CANX: variants seen among roughly 807,000 people sequenced by gnomAD.
CANX encodes the protein epididymis secretory sperm binding protein.
Under a neutral mutation model 75.7 loss-of-function variants are expected in CANX, and 14 were observed. The observed-to-expected ratio is 0.19, with a 90% confidence interval of 0.12 to 0.29. The LOEUF is 0.29. CANX is among the 10% of genes least tolerant of loss of function. The probability of loss-of-function intolerance (pLI) is 1.00; values close to 1 mark genes in which losing one functional copy is unlikely to be tolerated. For missense variants in CANX, 567 were observed against 713.2 expected, an observed-to-expected ratio of 0.79 and a Z score of 2.34; for synonymous variants, 227 against 236.9, an observed-to-expected ratio of 0.96 and a Z score of 0.38.
intron 2 of CANX, 52 bp downstream of exon 2, chr5:179,705,904 T>C: frequency 6.7e-7 from 1 of 1,482,764 alleles, no homozygotes; most frequent in African/African-American, 1.4e-5. Flanking sequence ...ATGATAAAAT[T>C]ATGAAGATAC....
intron 1 of CANX, among the ~76,000 whole-genome samples, chr5:179,683,773 A>G (rs1581813904): frequency 6.6e-6 from 1 of 151,794 alleles, no homozygotes; most frequent in Non-Finnish European, 1.5e-5. Context: ...GCCTCAAGTG[A>G]TCCATCTGCC....
intron 1 of CANX, 136 bp from the exon 2 acceptor site, chr5:179,705,543 T>G (rs1777071353): frequency 2.9e-6 from 2 of 679,738 alleles, no homozygotes; most frequent in Admixed American, 5.3e-5. Flanking sequence ...CCTTTCTTTA[T>G]CTATGAAATG....
At chr5:179,708,196 G>T (rs1693896964) in intron 4 of CANX, 43 bp from the exon 5 acceptor site, 5 of 1,582,620 alleles carry the variant, frequency 3.2e-6, no homozygotes, top group Non-Finnish European at 4.3e-6. Flanking sequence ...AGGACCTTCA[G>T]AGGTAGAGTT....
At chr5:179,679,899 T>C (rs1776013490) in intron 1 of CANX, among the ~76,000 whole-genome samples, 1 of 148,416 alleles carries the variant, frequency 6.7e-6, no homozygotes. Context: ...CCTCAGGTGA[T>C]CCACCCAACT....
intron 1 of CANX, among the ~76,000 whole-genome samples, chr5:179,680,308 C>T (rs781770452): frequency 6.6e-6 from 1 of 152,118 alleles, no homozygotes; most frequent in African/African-American, 2.4e-5. Flanking sequence ...GATCTGGATT[C>T]TGAAAGCAAT....
At chr5:179,711,328 A>G (rs1777538244) in intron 7 of CANX, among the ~76,000 whole-genome samples, 2 of 152,002 alleles carry the variant, frequency 1.3e-5, no homozygotes, top group Non-Finnish European at 2.9e-5. Context: ...AGGCTGAGGT[A>G]TGAGGATTGC....
In CANX at chr5:179,684,924, G is replaced by GTTTTTTTTTTTTTTTTT. The variant is rs781629512; in HGVS notation, c.-4+6148_-4+6149insTTTTTTTTTTTTTTTTT. Among the ~76,000 whole-genome samples, 4 of 29,000 alleles carry GTTTTTTTTTTTTTTTTT rather than the reference G, an allele frequency of 1.4e-4. 1 individual carries two copies. Among genetic ancestry groups the GTTTTTTTTTTTTTTTTT allele is most frequent in the South Asian group, 1.4e-3 (1 of 712 alleles). 19.0% of individuals were successfully genotyped at this position (29,000 alleles called of 152,430 possible). A position where few individuals can be genotyped will look rare whatever the true frequency, so the allele number is the denominator to read the frequency against. Reference sequence around the variant, plus strand: ...TGTGCCACCACACCTGGCTAATTTTGTATTTTTTTTTTTTTTTTTTTTTTT... The same window carrying GTTTTTTTTTTTTTTTTT: ...TGTGCCACCACACCTGGCTAATTTTGTTTTTTTTTTTTTTTTTTATTTTTTTTTTTTTTTTTTTTTTT... On this transcript the variant is annotated intron_variant, in intron 1 of 14. Transcript: ENST00000681674.
intron 1 of CANX, among the ~76,000 whole-genome samples, chr5:179,701,602 T>C (rs750378825): frequency 6.6e-6 from 1 of 151,936 alleles, no homozygotes; most frequent in Non-Finnish European, 1.5e-5. Flanking sequence ...TAATGAACTG[T>C]GCAAATAGAA....
intron 13 of CANX, among the ~76,000 whole-genome samples, 198 bp downstream of exon 13, chr5:179,724,981 C>T (rs1778554125): frequency 6.6e-6 from 1 of 152,150 alleles, no homozygotes; most frequent in Non-Finnish European, 1.5e-5. Context: ...AGTGCCACTG[C>T]ACTCCAGCTG....
rs532185614 is a variant in CANX at position 179,681,516 on chromosome 5, C to T, written c.-4+2739C>T. Among the ~76,000 whole-genome samples the T allele has an allele frequency of 2.1e-3, 317 of 152,246 alleles. 3 individuals carry two copies. Among genetic ancestry groups the T allele is most frequent in the Non-Finnish European group, 3.5e-3 (239 of 68,026 alleles). ...GTGGTCTCACGTGGAGACTAGCTTC[C>T]GCTTGCTCTCATGGGGAACTCTGAG... On this transcript the variant is annotated intron_variant, in intron 1 of 14. Transcript: ENST00000681674.
intron 1 of CANX, among the ~76,000 whole-genome samples, chr5:179,684,924 GTATTT>G (rs1776160286): frequency 6.9e-5 from 2 of 28,984 alleles, no homozygotes; most frequent in East Asian, 2.0e-3. Context: ...GGCTAATTTT[GTATTT>G]TTTTTTTTTT....
chr5:179,726,423 A>G (rs958866849), intron 13 of CANX, among the ~76,000 whole-genome samples: 6 of 151,948 alleles, frequency 3.9e-5, no homozygotes, highest in Non-Finnish European at 8.8e-5. Flanking sequence ...AAAAATAAAA[A>G]AAGTTAGCCG....
intron 7 of CANX, among the ~76,000 whole-genome samples, chr5:179,712,799 C>T (rs1777665372): frequency 6.6e-6 from 1 of 151,916 alleles, no homozygotes; most frequent in Non-Finnish European, 1.5e-5. Context: ...TCTTGGCCTA[C>T]TGTGACGTCT....
At chr5:179,707,762 G>A (rs1467283286) in intron 4 of CANX, among the ~76,000 whole-genome samples, 1 of 151,364 alleles carries the variant, frequency 6.6e-6, no homozygotes, top group African/African-American at 2.4e-5. Context: ...TTTCTAGACA[G>A]TAGTATAATA....
At chr5:179,702,860 C>T (rs1027613414) in intron 1 of CANX, among the ~76,000 whole-genome samples, 6 of 152,210 alleles carry the variant, frequency 3.9e-5, no homozygotes, top group South Asian at 4.1e-4. Context: ...AACTCCACTT[C>T]CCGGGTTCAA....
At chr5:179,720,775 T>G (rs985921390) in intron 10 of CANX, among the ~76,000 whole-genome samples, 2 of 151,866 alleles carry the variant, frequency 1.3e-5, no homozygotes, top group African/African-American at 2.4e-5. Context: ...TAACTTTATT[T>G]ATTTATTTAT....
At chr5:179,719,645 T>G (rs1486102023) in intron 8 of CANX, 23 bp from the exon 9 acceptor site, 7 of 1,370,604 alleles carry the variant, frequency 5.1e-6, no homozygotes, top group Non-Finnish European at 7.3e-6. Flanking sequence ...TTGTCATAAC[T>G]GGCTTTTTCT....
chr5:179,685,338 A>T (rs1581815724), intron 1 of CANX, among the ~76,000 whole-genome samples: 1 of 147,892 alleles, frequency 6.8e-6, no homozygotes, highest in Non-Finnish European at 1.5e-5. Flanking sequence ...GCAGTGGTGC[A>T]ATCTTGGCTC....
intron 1 of CANX, among the ~76,000 whole-genome samples, chr5:179,681,441 G>T (rs1455114894): frequency 6.6e-6 from 1 of 152,164 alleles, no homozygotes; most frequent in African/African-American, 2.4e-5. Flanking sequence ...AGGAGAAGGG[G>T]GTGAGGGAAG....
Sources: gnomAD v4.1 joint callset for allele counts (sites outside exome capture counted in the v4.1 genomes callset) on GRCh38, gnomAD v4.1.1 for gene constraint, MANE v1.5 for transcripts, NCBI Gene and HGNC (gene_info 2026-07-23, HGNC 2026-07-21) for gene names.